The following CYB5R4 variants were observed in gnomAD, a reference collection of about 807,000 sequenced individuals.
CYB5R4 encodes cytochrome b5 reductase 4.
CYB5R4 carries 55 observed loss-of-function variants against 70.2 expected under a neutral mutation model. The ratio of observed to expected loss-of-function variants is 0.78; its 90% CI spans 0.63 to 0.98. The LOEUF is 0.98. Among genes scored for constraint, CYB5R4 ranks in the 50% least tolerant of loss-of-function variants. CYB5R4 has a pLI of 0.00. For synonymous variants in CYB5R4, 197 were observed against 199.5 expected (o/e 0.99, Z 0.11); for missense variants, 562 against 612.6 (o/e 0.92, Z 0.87).
rs551931861 is a variant in CYB5R4 at position 83,866,954 on chromosome 6, T to C, written c.229+2626T>C. On this transcript the variant is annotated intron_variant, in intron 2 of 15. Coordinates refer to ENST00000369681, the MANE Select transcript of CYB5R4 (RefSeq NM_016230.4). ...TAGAGGTTTCTGCTGGGGAACATGT[T>C]CTACTCTATCTATAGTAAGATGTTT... 2.6e-5 allele frequency among the ~76,000 whole-genome samples: 4 copies of C among 152,306 alleles called. No homozygotes were observed. The East Asian group carries it at 7.7e-4, about 29-fold the overall frequency.
intron 10 of CYB5R4, chr6:83,926,445 T>A (rs2099467289): frequency 1.3e-5 from 2 of 152,094 alleles, no homozygotes; most frequent in Non-Finnish European, 2.9e-5. Flanking sequence ...GCAGAGTCGG[T>A]CTCTTCTGAG....
chr6:83,935,853 A>G (rs1207216978), intron 11 of CYB5R4, among the ~76,000 whole-genome samples: 1 of 151,986 alleles, frequency 6.6e-6, no homozygotes, highest in Non-Finnish European at 1.5e-5. Flanking sequence ...TATTAGGTAA[A>G]TAGTTTTTTT....
At chr6:83,945,288 C>T (rs186930881) in intron 14 of CYB5R4, among the ~76,000 whole-genome samples, 133 of 152,302 alleles carry the variant, frequency 8.7e-4, no homozygotes, top group Middle Eastern at 6.8e-3. Flanking sequence ...CGCACAACTA[C>T]GTGGAAACTG....
intron 2 of CYB5R4, among the ~76,000 whole-genome samples, chr6:83,876,807 G>C (rs990966429): frequency 6.6e-6 from 1 of 151,518 alleles, no homozygotes; most frequent in Non-Finnish European, 1.5e-5. Flanking sequence ...ATTCCTTTTT[G>C]TTGATCCAGA....
chr6:83,930,076 A>G (rs1045941517), intron 10 of CYB5R4, among the ~76,000 whole-genome samples: 1 of 152,214 alleles, frequency 6.6e-6, no homozygotes, highest in Non-Finnish European at 1.5e-5. Context: ...AAAACAACTT[A>G]TACATTTTAA....
chr6:83,889,197 A>C (rs1183627920), intron 2 of CYB5R4, among the ~76,000 whole-genome samples: 1 of 152,244 alleles, frequency 6.6e-6, no homozygotes, highest in African/African-American at 2.4e-5. Flanking sequence ...TAGAAGATCT[A>C]GCTAAGATCA....
chr6:83,938,839 T>A (rs1028432432), intron 12 of CYB5R4, among the ~76,000 whole-genome samples: 2 of 150,924 alleles, frequency 1.3e-5, no homozygotes, highest in East Asian at 1.9e-4. Context: ...ATTATTATTT[T>A]TTTTTTTTTG....
At chr6:83,889,412 G>A (rs2099460764) in intron 2 of CYB5R4, among the ~76,000 whole-genome samples, 1 of 152,140 alleles carries the variant, frequency 6.6e-6, no homozygotes. Context: ...ACCATTCCAA[G>A]AATCCTAGGG....
rs572438417 is a variant in CYB5R4 at position 83,951,430 on chromosome 6, C to T, written c.1347-3868C>T. Among the ~76,000 whole-genome samples the T allele has an allele frequency of 3.3e-5, 5 of 152,284 alleles. No individual in the cohort carries two copies. In the East Asian group the frequency reaches 7.7e-4, roughly 23 times the overall value. ...AGGTATTTCTCCTAATTCATCCCTCCCCTGCCCCTCCACCGCCCAACAGGC... is the reference window on the plus strand; with the variant it reads ...AGGTATTTCTCCTAATTCATCCCTCTCCTGCCCCTCCACCGCCCAACAGGC... On this transcript the variant is annotated intron_variant, in intron 14 of 15. Transcript: ENST00000369681.
At chr6:83,899,437 G>A (rs2099462489) in intron 3 of CYB5R4, among the ~76,000 whole-genome samples, 3 of 152,184 alleles carry the variant, frequency 2.0e-5, no homozygotes, top group East Asian at 1.9e-4. Flanking sequence ...TTTTTCTGTT[G>A]TGTCTCTGCC....
intron 2 of CYB5R4, among the ~76,000 whole-genome samples, chr6:83,868,359 G>C (rs1481969728): frequency 6.6e-6 from 1 of 151,914 alleles, no homozygotes; most frequent in East Asian, 1.9e-4. Flanking sequence ...TTCTTTTTTT[G>C]AATAAGTAGC....
At chr6:83,907,116 T>C (rs757965192) in intron 3 of CYB5R4, among the ~76,000 whole-genome samples, 14 of 152,140 alleles carry the variant, frequency 9.2e-5, no homozygotes, top group Non-Finnish European at 1.9e-4. Flanking sequence ...CTTGCTCTTT[T>C]GCCCAGGCTG....
intron 4 of CYB5R4, chr6:83,910,405 C>T: frequency 2.8e-6 from 1 of 360,810 alleles, no homozygotes; most frequent in Non-Finnish European, 5.0e-6. Flanking sequence ...ACTAGACAGA[C>T]AAGTTTGCTA....
intron 2 of CYB5R4, among the ~76,000 whole-genome samples, chr6:83,886,140 C>CTG (rs1191729699): frequency 6.6e-6 from 1 of 152,076 alleles, no homozygotes; most frequent in East Asian, 1.9e-4. Context: ...TGCAAGAGTC[C>CTG]CAATGCAGTA....
intron 14 of CYB5R4, among the ~76,000 whole-genome samples, chr6:83,945,995 C>T (rs1448121310): frequency 6.6e-6 from 1 of 152,098 alleles, no homozygotes; most frequent in African/African-American, 2.4e-5. Context: ...ACCAGAGATA[C>T]AAAGAGGAGC....
intron 2 of CYB5R4, among the ~76,000 whole-genome samples, chr6:83,871,885 A>G (rs1382742373): frequency 6.6e-6 from 1 of 150,748 alleles, no homozygotes; most frequent in African/African-American, 2.4e-5. Flanking sequence ...TTTTTTCTTG[A>G]TCAGTCTTAC....
chr6:83,922,974 G>C (rs1588577546), intron 9 of CYB5R4, among the ~76,000 whole-genome samples: 1 of 151,170 alleles, frequency 6.6e-6, no homozygotes, highest in Middle Eastern at 3.4e-3. Context: ...TTGTAGAGAC[G>C]GGGTTTCACA....
intron 10 of CYB5R4, among the ~76,000 whole-genome samples, chr6:83,931,431 A>G (rs989352045): frequency 6.6e-6 from 1 of 152,188 alleles, no homozygotes. Context: ...TCTATCTCCC[A>G]TTGAAGACTT....
chr6:83,871,124 C>T (rs936048146), intron 2 of CYB5R4, among the ~76,000 whole-genome samples: 2 of 151,830 alleles, frequency 1.3e-5, no homozygotes, highest in African/African-American at 4.8e-5. Flanking sequence ...TTATAGGCGC[C>T]TGCAGCCATG....
Sources: gnomAD v4.1 joint callset for allele counts (sites outside exome capture counted in the v4.1 genomes callset) on GRCh38, gnomAD v4.1.1 for gene constraint, MANE v1.5 for transcripts, NCBI Gene and HGNC (gene_info 2026-07-23, HGNC 2026-07-21) for gene names.